Variants in NAALADL2 observed in about 807,000 individuals in gnomAD.
The protein encoded by NAALADL2 is inactive N-acetylated-alpha-linked acidic dipeptidase-like protein 2.
In NAALADL2, 76 loss-of-function variants were observed where a neutral mutation model predicts 87.2. The observed-to-expected ratio is 0.87, with a 90% CI of 0.72 to 1.05. The LOEUF is 1.05. Among genes scored for constraint, NAALADL2 ranks in the 50% least tolerant of loss-of-function variants. The pLI, the probability that NAALADL2 is intolerant of heterozygous loss-of-function variation, is 0.00. For missense variants in NAALADL2, 1,089 were observed against 945.8 expected (o/e 1.15, Z -1.99); for synonymous variants, 354 against 331.0 (o/e 1.07, Z -0.75).
chr3:175,016,692 C>T (rs1750870380), intron 1 of NAALADL2, among the ~76,000 whole-genome samples: 1 of 151,804 alleles, frequency 6.6e-6, no homozygotes, highest in Non-Finnish European at 1.5e-5. Flanking sequence ...CACTTGATCT[C>T]CTAGAAAAGG....
chr3:175,619,061 T>C lies in NAALADL2; in HGVS notation c.1801-8230T>C, dbSNP rs145598922. Among the ~76,000 whole-genome samples the C allele has an allele frequency of 7.2e-3, 1,099 of 152,190 alleles. 4 individuals are homozygous for C. Among genetic ancestry groups the C allele is most frequent in the Middle Eastern group, 0.031 (9 of 294 alleles). ...ATAGAATCTGGGACAAAAAGGCGCC[T>C]CTGGAGGGTGTATGGAGCCATTAAA... On this transcript the variant is annotated intron_variant, in intron 10 of 13. Coordinates refer to ENST00000454872, the MANE Select transcript of NAALADL2 (RefSeq NM_207015.3).
intron 11 of NAALADL2, among the ~76,000 whole-genome samples, chr3:175,666,852 A>AAAGTTT (rs146094171): frequency 0.014 from 2,143 of 152,204 alleles, 49 homozygotes; most frequent in African/African-American, 0.049. Context: ...TTAGAAAATT[A>AAAGTTT]AAGTCCAACT....
intron 1 of NAALADL2, among the ~76,000 whole-genome samples, chr3:175,040,495 C>A (rs1261947837): frequency 6.6e-6 from 1 of 152,108 alleles, no homozygotes. Context: ...AGTGTCAGTG[C>A]AGTGTAAGGG....
chr3:175,367,341 G>A (rs1009724825), intron 5 of NAALADL2, among the ~76,000 whole-genome samples: 7 of 145,876 alleles, frequency 4.8e-5, no homozygotes, highest in East Asian at 2.1e-4. Flanking sequence ...TTGGCGATGC[G>A]GGCTCTTTTT....
chr3:175,234,093 T>C lies in NAALADL2; in HGVS notation c.708T>C (p.Ser236=), dbSNP rs757546820. 6.2e-7 allele frequency: 1 copy of C among 1,613,914 alleles called. No homozygotes were observed. Among genetic ancestry groups the C allele is most frequent in the Non-Finnish European group, 8.5e-7 (1 of 1,179,836 alleles). ...CCAGCACTGTGACTCTGAGCAGCAG[T>C]GGTCAATGCTTTCATCCTAATGGCC... is the stretch of plus-strand genomic sequence containing the variant. ...PSPSTVTLSS[S]GQCFHPNGQP... is the part of the protein sequence containing the mutation. Residue 236 remains serine, a synonymous_variant, in exon 3 of 14, where the codon AGT becomes AGC. Transcript: ENST00000454872.
chr3:174,882,584 C>CATATACGCATATGTGCATATGCAT (rs1314404306), intron 1 of NAALADL2, among the ~76,000 whole-genome samples: 1 of 136,666 alleles, frequency 7.3e-6, no homozygotes, highest in African/African-American at 3.4e-5. Context: ...TGCTTATACA[C>CATATACGCATATGTGCATATGCAT]ATATGTGTAT....
intron 3 of NAALADL2, among the ~76,000 whole-genome samples, chr3:174,744,510 A>G (rs1311155372): frequency 1.3e-5 from 2 of 152,110 alleles, no homozygotes; most frequent in Admixed American, 6.6e-5. Flanking sequence ...GGAGATTTTA[A>G]CAGCCCACTG....
At chr3:175,305,930 C>T (rs754119881) in intron 4 of NAALADL2, among the ~76,000 whole-genome samples, 9 of 152,038 alleles carry the variant, frequency 5.9e-5, no homozygotes, top group East Asian at 5.8e-4. Context: ...AATTTGCTGG[C>T]GTCTATTTGC....
chr3:174,528,587 CTG>C (rs1170013803), intron 1 of NAALADL2, among the ~76,000 whole-genome samples: 8 of 152,152 alleles, frequency 5.3e-5, no homozygotes, highest in African/African-American at 1.2e-4. Context: ...GATAGTGCCA[CTG>C]CACTCCAGCC....
intron 1 of NAALADL2, among the ~76,000 whole-genome samples, chr3:174,502,312 A>G (rs1718948560): frequency 6.6e-6 from 1 of 152,186 alleles, no homozygotes; most frequent in African/African-American, 2.4e-5. Flanking sequence ...TTGTTGTTAG[A>G]AAATATAACA....
intron 2 of NAALADL2, among the ~76,000 whole-genome samples, chr3:175,130,256 T>C (rs914073692): frequency 3.9e-5 from 6 of 152,226 alleles, no homozygotes; most frequent in African/African-American, 1.4e-4. Flanking sequence ...ATATCAGATA[T>C]AAGGTTTACA....
At chr3:174,513,376 A>G (rs539707874) in intron 1 of NAALADL2, 23 of 152,306 alleles carry the variant, frequency 1.5e-4, no homozygotes, top group African/African-American at 5.3e-4. Context: ...TCACCAGTAC[A>G]TACCAATTTA....
At chr3:175,431,350 T>C (rs2149162748) in intron 5 of NAALADL2, among the ~76,000 whole-genome samples, 1 of 152,118 alleles carries the variant, frequency 6.6e-6, no homozygotes, top group East Asian at 1.9e-4. Context: ...GAAGGAGCAA[T>C]AGAGATTTTT....
chr3:174,774,653 G>C (rs975947091), intron 3 of NAALADL2, among the ~76,000 whole-genome samples: 2 of 152,038 alleles, frequency 1.3e-5, no homozygotes, highest in African/African-American at 4.8e-5. Context: ...CTTTAAATGG[G>C]GGAATACTTA....
chr3:174,725,807 C>A (rs542390611), intron 2 of NAALADL2, among the ~76,000 whole-genome samples: 1 of 152,138 alleles, frequency 6.6e-6, no homozygotes, highest in Non-Finnish European at 1.5e-5. Context: ...CAAGAGCCAT[C>A]AGTAATCAAC....
intron 2 of NAALADL2, among the ~76,000 whole-genome samples, chr3:175,115,780 G>A (rs1378961409): frequency 1.3e-5 from 2 of 150,974 alleles, no homozygotes; most frequent in Non-Finnish European, 3.0e-5. Context: ...GCATTCAGGG[G>A]AAAAAGGAGA....
At chr3:175,145,494 A>T (rs1490547568) in intron 2 of NAALADL2, among the ~76,000 whole-genome samples, 1 of 152,060 alleles carries the variant, frequency 6.6e-6, no homozygotes, top group African/African-American at 2.4e-5. Context: ...AATGGATGAA[A>T]CTTATCGGAA....
chr3:174,928,678 A>G (rs1736443333), intron 1 of NAALADL2, among the ~76,000 whole-genome samples: 1 of 152,212 alleles, frequency 6.6e-6, no homozygotes, highest in South Asian at 2.1e-4. Context: ...CTCACAGCCA[A>G]TTTTAATATT....
At chr3:175,061,232 T>G (rs1213789926) in intron 1 of NAALADL2, among the ~76,000 whole-genome samples, 1 of 152,116 alleles carries the variant, frequency 6.6e-6, no homozygotes, top group Non-Finnish European at 1.5e-5. Flanking sequence ...AAAGCCTAAA[T>G]AAATTGGAAT....
Sources: gnomAD v4.1 joint callset for allele counts (sites outside exome capture counted in the v4.1 genomes callset) on GRCh38, gnomAD v4.1.1 for gene constraint, MANE v1.5 for transcripts, NCBI Gene and HGNC (gene_info 2026-07-23, HGNC 2026-07-21) for gene names.